The following CELF6 variants were observed in gnomAD, a reference collection of about 807,000 sequenced individuals.
CELF6 encodes CUGBP Elav-like family member 6, also known as Bruno -like 6, RNA binding protein.
In CELF6, 32 loss-of-function variants were observed where a neutral mutation model predicts 53.1. That is an observed-to-expected ratio of 0.60 (90% confidence interval 0.46 to 0.81). The LOEUF (loss-of-function observed/expected upper bound fraction) is 0.81. CELF6 is among the 30% of genes least tolerant of loss of function. The pLI is 0.00. For missense variants in CELF6, 539 were observed against 669.5 expected (o/e 0.81, Z 2.15); for synonymous variants, 291 against 288.8 (o/e 1.01, Z -0.08).
At position 72,288,696 on chromosome 15, in the gene CELF6, T is replaced by C; in HGVS notation, c.1094-78A>G. 1.4e-6 allele frequency: 2 copies of C among 1,449,940 alleles called. 1 individual carries two copies. The highest frequency in any genetic ancestry group is 3.6e-4 in the Middle Eastern group (2 of 5,552). 89.8% of individuals were successfully genotyped at this position (1,449,940 alleles called of 1,614,324 possible). ...AGGGCCCCAACTGCCTGGCCGCTTT[T>C]GACCAATTCAGCCCAGTCCACCATA... On this transcript the variant is annotated intron_variant, in intron 9 of 12. Transcript: ENST00000287202. This position sits in a 1 kb window ranked among gnomAD's most constrained non-coding sequence, Gnocchi z 4.6.
At chr15:72,307,928 T>C (rs537450568) in intron 2 of CELF6, among the ~76,000 whole-genome samples, 1 of 150,848 alleles carries the variant, frequency 6.6e-6, no homozygotes, top group Non-Finnish European at 1.5e-5. Context: ...GCACGCTGAA[T>C]GGCTAGGGTA....
intron 2 of CELF6, among the ~76,000 whole-genome samples, chr15:72,307,921 C>G (rs149571200): frequency 6.6e-6 from 1 of 152,134 alleles, no homozygotes; most frequent in Non-Finnish European, 1.5e-5. Context: ...TGGCTGAGCA[C>G]GCTGAATGGC....
Position 72,289,203 on chromosome 15 carries a change from G to C in CELF6, c.965C>G (p.Thr322Ser), listed in dbSNP as rs2087965461. ...GCCCGGCTGGCCATTGGTCTGGGGG[G>C]TCAGAGGGCCGAATCCATTGACCCC... ...PIGVNGFGPL[T>S]PQTNGQPGSD... The change falls in exon 8 of 13, where the codon ACC (threonine) becomes AGC (serine). Residue 322 changes from threonine (T) to serine (S), a missense_variant. By Grantham distance (58) the Thr-to-Ser change is moderately conservative. Transcript: ENST00000287202. The surrounding 1 kb of genome is among the most constrained non-coding windows in gnomAD (Gnocchi z 7.6). 1 of 1,570,844 alleles carries C rather than the reference G, an allele frequency of 6.4e-7. No homozygotes were observed. The highest frequency in any genetic ancestry group is 1.2e-5 in the South Asian group (1 of 84,470).
Position 72,288,749 on chromosome 15 carries a change from G to T in CELF6, c.1093+119C>A. 7.5e-7 allele frequency: 1 copy of T among 1,339,972 alleles called. No individual in the cohort carries two copies. Among genetic ancestry groups the T allele is most frequent in the Non-Finnish European group, 1.0e-6 (1 of 953,104 alleles). 83.0% of individuals were successfully genotyped at this position (1,339,972 alleles called of 1,614,324 possible). On this transcript the variant is annotated intron_variant, in intron 9 of 12. Transcript: ENST00000287202. This position sits in a 1 kb window ranked among gnomAD's most constrained non-coding sequence, Gnocchi z 4.6. ...CCTCACCCCAAGAGAGGTCGTTCTG[G>T]GGGTAGGAGGGGATGGGAGGATCAA...
In CELF6 at chr15:72,297,221, T is replaced by A. The variant is rs139621892; in HGVS notation, c.395-6966A>T. 3.0e-4 allele frequency among the ~76,000 whole-genome samples: 45 copies of A among 152,338 alleles called. 1 individual carries two copies. The highest frequency in any genetic ancestry group is 8.9e-4 in the African/African-American group (37 of 41,580). ...TACAGTCTCCATGCTATGCAATAGA[T>A]CACTAAAACTTCATCCTTCTGTTTA... On this transcript the variant is annotated intron_variant, in intron 3 of 12. Coordinates refer to ENST00000287202, the MANE Select transcript of CELF6 (RefSeq NM_052840.5).
intron 2 of CELF6, among the ~76,000 whole-genome samples, chr15:72,310,186 G>T (rs2088277251): frequency 6.6e-6 from 1 of 152,150 alleles, no homozygotes; most frequent in African/African-American, 2.4e-5. Context: ...CATTCCATGG[G>T]AAGAGTTTAT....
At chr15:72,297,371 C>T (rs2088094618) in intron 3 of CELF6, among the ~76,000 whole-genome samples, 1 of 152,142 alleles carries the variant, frequency 6.6e-6, no homozygotes, top group African/African-American at 2.4e-5. Context: ...TTTTTAGGTT[C>T]CACACGTAAG....
At chr15:72,290,402 C>T in intron 3 of CELF6, 147 bp from the exon 4 acceptor site, 6 of 913,628 alleles carry the variant, frequency 6.6e-6, no homozygotes, top group South Asian at 1.7e-5. Flanking sequence ...GGTTGGTTTT[C>T]ATTGAGGGGC....
At chr15:72,287,532 G>A in intron 11 of CELF6, 140 bp from the exon 12 acceptor site, 2 of 935,042 alleles carry the variant, frequency 2.1e-6, no homozygotes, top group South Asian at 1.6e-5. Context: ...TGTGGATACA[G>A]AGTCATAGGC....
chr15:72,289,225 C>A lies in CELF6; in HGVS notation c.943G>T (p.Val315Phe). The A allele has an allele frequency of 8.9e-6, 14 of 1,575,850 alleles. No individual in the cohort carries two copies. The highest frequency in any genetic ancestry group is 1.2e-5 in the Non-Finnish European group (14 of 1,167,436). The change falls in exon 8 of 13, where the codon GTC becomes TTC. Residue 315 changes from valine to phenylalanine, a missense_variant. By Grantham distance (50) the Val-to-Phe change is conservative. Transcript: ENST00000287202. This position sits in a 1 kb window ranked among gnomAD's most constrained non-coding sequence, Gnocchi z 7.6. The stretch of plus-strand genomic sequence containing the variant: ...GGGGTCAGAGGGCCGAATCCATTGA[C>A]CCCGATGGGCGCCGGAAGACCTGGG... ...TLPGLPAPIG[V>F]NGFGPLTPQT...
At chr15:72,304,667 G>T in intron 3 of CELF6, 79 bp downstream of exon 3, 1 of 1,308,768 alleles carries the variant, frequency 7.6e-7, no homozygotes, top group Non-Finnish European at 1.1e-6. Flanking sequence ...CATACTAAAT[G>T]GGTAGGACAG....
intron 2 of CELF6, among the ~76,000 whole-genome samples, chr15:72,312,271 G>T (rs566641581): frequency 6.6e-6 from 1 of 152,336 alleles, no homozygotes; most frequent in East Asian, 1.9e-4. Context: ...ATAGGGGACA[G>T]AAATTGGCAG....
Position 72,320,137 on chromosome 15 carries a change from T to C in CELF6, c.-263A>G. 1.6e-6 allele frequency: 1 copy of C among 637,856 alleles called. No individual in the cohort carries two copies. Among genetic ancestry groups the C allele is most frequent in the Non-Finnish European group, 2.9e-6 (1 of 344,312 alleles). The allele number at this position is 637,856 out of a possible 1,614,324, so 39.5% of individuals were successfully genotyped here. ...GGCTTGAGGTCCCCGTGCGGCTCTC[T>C]CTGGGCTCCCGCCCGAGCTCTCCCA... On this transcript the variant is annotated 5_prime_UTR_variant, in exon 1 of 13. Coordinates refer to ENST00000287202, the MANE Select transcript of CELF6 (RefSeq NM_052840.5).
chr15:72,318,662 T>A (rs1177814160), intron 1 of CELF6, among the ~76,000 whole-genome samples: 1 of 152,086 alleles, frequency 6.6e-6, no homozygotes, highest in Non-Finnish European at 1.5e-5. Flanking sequence ...GGACCGTGTA[T>A]CTCTCTAGAA....
intron 2 of CELF6, chr15:72,313,552 C>A (rs929067521): frequency 6.5e-6 from 1 of 153,202 alleles, no homozygotes; most frequent in Non-Finnish European, 1.4e-5. Flanking sequence ...CAGGGTAAAG[C>A]CTGGCATTCA....
At chr15:72,310,611 C>T (rs944880210) in intron 2 of CELF6, among the ~76,000 whole-genome samples, 26 of 150,550 alleles carry the variant, frequency 1.7e-4, no homozygotes, top group Admixed American at 1.7e-3. Flanking sequence ...ACCTCAGCCT[C>T]CCAAGTAGCT....
intron 3 of CELF6, among the ~76,000 whole-genome samples, chr15:72,303,017 G>A (rs886768086): frequency 2.6e-5 from 4 of 152,180 alleles, no homozygotes; most frequent in African/African-American, 9.7e-5. Flanking sequence ...ATGAGGCCAG[G>A]TACCAGGTCT....
At position 72,304,776 on chromosome 15, in the gene CELF6, C is replaced by A; in HGVS notation, c.364G>T (p.Val122Leu). Residue 122 changes from valine to leucine, a missense_variant, in exon 3 of 13, where the codon GTG (valine) becomes TTG (leucine). Transcript: ENST00000287202. ...TLPGMNRPIQ[V>L]KPAASEGRGE... is the part of the protein sequence containing the mutation. ...CGGCCCTCACTGGCAGCTGGCTTCA[C>A]TTGGATCGGACGATTCATCTGAAAG... 1 of 1,614,200 alleles carries A rather than the reference C, an allele frequency of 6.2e-7. No homozygotes were observed. Among genetic ancestry groups the A allele is most frequent in the African/African-American group, 1.3e-5 (1 of 75,052 alleles).
chr15:72,295,170 C>G (rs2088061450), intron 3 of CELF6, among the ~76,000 whole-genome samples: 1 of 150,434 alleles, frequency 6.6e-6, no homozygotes, highest in Admixed American at 6.7e-5. Flanking sequence ...CCTGTCTCCA[C>G]TAAAAATACA....
Sources: allele counts gnomAD v4.1 joint callset (sites outside exome capture counted in the v4.1 genomes callset), GRCh38; gene constraint gnomAD v4.1.1; non-coding constraint Gnocchi (gnomAD v3.1); transcripts MANE v1.5; gene names NCBI Gene and HGNC (gene_info 2026-07-23, HGNC 2026-07-21).